ASNS: variants seen among roughly 807,000 people sequenced by gnomAD.
ASNS encodes asparagine synthetase [glutamine-hydrolyzing].
Under a neutral mutation model 62.6 loss-of-function variants are expected in ASNS, and 37 were observed. The ratio of observed to expected loss-of-function variants is 0.59; its 90% CI spans 0.45 to 0.78. ASNS has a LOEUF of 0.78. Ranked by LOEUF, ASNS falls within the 30% of genes least tolerant of loss-of-function variation. The probability of loss-of-function intolerance (pLI) is 0.00; values close to 1 mark genes in which losing one functional copy is unlikely to be tolerated. For synonymous variants in ASNS, 207 were observed against 237.9 expected, an observed-to-expected ratio of 0.87 and a Z score of 1.19; for missense variants, 520 against 682.4, an observed-to-expected ratio of 0.76 and a Z score of 2.65.
the ASNS span, among the ~76,000 whole-genome samples, chr7:97,925,507 G>A: frequency 1.3e-5 from 2 of 152,144 alleles, no homozygotes; most frequent in African/African-American, 4.8e-5. Flanking sequence ...GGAGACCAGA[G>A]ATGCTGCTAA....
At chr7:97,853,478 G>T in intron 10 of ASNS, 92 bp from the exon 11 acceptor site, 2 of 1,093,392 alleles carry the variant, frequency 1.8e-6, no homozygotes, top group African/African-American at 3.1e-5. Context: ...AATTCAACCA[G>T]ATCTTAAGAA....
the ASNS span, among the ~76,000 whole-genome samples, chr7:97,909,381 T>C: frequency 7.1e-6 from 1 of 141,248 alleles, no homozygotes; most frequent in African/African-American, 2.6e-5. Flanking sequence ...CAACCTCAGC[T>C]CACTGCAACC....
chr7:97,922,651 C>T, the ASNS span, among the ~76,000 whole-genome samples: 9 of 152,138 alleles, frequency 5.9e-5, no homozygotes, highest in East Asian at 3.9e-4. Context: ...CATTTTGTAA[C>T]GTATACATAC....
the ASNS span, among the ~76,000 whole-genome samples, chr7:97,900,511 G>C: frequency 6.6e-6 from 1 of 152,118 alleles, no homozygotes; most frequent in South Asian, 2.1e-4. Context: ...TCTACATAGA[G>C]TTGCCAAATG....
chr7:97,854,634 C>T lies in ASNS; in HGVS notation c.1184G>A (p.Arg395Lys), dbSNP rs1469727495. ...GAGAACATCAAACAAATAGAGTTCC[C>T]TCAGAAGCCTCTCACTCTCCTCCTC... ...KAEEESERLLRELYLFDVLRA... is the reference protein window; with the variant it reads ...KAEEESERLLKELYLFDVLRA... The change falls in exon 10 of 13, where the codon AGG becomes AAG. Residue 395 changes from arginine (R) to lysine (K), a missense_variant. Coordinates refer to ENST00000394308, the MANE Select transcript of ASNS (RefSeq NM_001673.5). 1 of 1,613,986 alleles carries T rather than the reference C, an allele frequency of 6.2e-7. No homozygotes were observed. Among genetic ancestry groups the T allele is most frequent in the Non-Finnish European group, 8.5e-7 (1 of 1,180,024 alleles).
intron 4 of ASNS, among the ~76,000 whole-genome samples, chr7:97,862,868 T>C (rs1791790806): frequency 6.6e-6 from 1 of 151,866 alleles, no homozygotes; most frequent in Non-Finnish European, 1.5e-5. Context: ...CCAAAGAAGA[T>C]ATACAAATGG....
the ASNS span, among the ~76,000 whole-genome samples, chr7:97,918,395 C>A: frequency 6.6e-6 from 1 of 152,142 alleles, no homozygotes; most frequent in Non-Finnish European, 1.5e-5. Flanking sequence ...TCCATCAGAA[C>A]ACCGTCTGTG....
At chr7:97,856,265 T>G (rs372351445) in intron 8 of ASNS, among the ~76,000 whole-genome samples, 2 of 152,240 alleles carry the variant, frequency 1.3e-5, no homozygotes, top group African/African-American at 4.8e-5. Flanking sequence ...AAATTAGTAT[T>G]GTTTGCAGAG....
the ASNS span, among the ~76,000 whole-genome samples, chr7:97,903,474 A>G: frequency 6.6e-6 from 1 of 152,182 alleles, no homozygotes; most frequent in Non-Finnish European, 1.5e-5. Flanking sequence ...CCGGAGACCA[A>G]GACAGAACAC....
chr7:97,907,966 T>C, the ASNS span, among the ~76,000 whole-genome samples: 32 of 152,212 alleles, frequency 2.1e-4, no homozygotes, highest in Admixed American at 2.0e-3. Context: ...ATAATAAAAT[T>C]TAGTCAGCCA....
Position 97,853,071 on chromosome 7 carries a change from C to A in ASNS, c.1465G>T (p.Val489Phe), listed in dbSNP as rs772079299. 1.9e-6 allele frequency: 3 copies of A among 1,579,272 alleles called. No individual in the cohort carries two copies. Among genetic ancestry groups the A allele is most frequent in the African/African-American group, 1.4e-5 (1 of 73,038 alleles). Residue 489 changes from valine to phenylalanine, a missense_variant, in exon 12 of 13, where the codon GTT becomes TTT. Coordinates refer to ENST00000394308, the MANE Select transcript of ASNS (RefSeq NM_001673.5). The part of the protein sequence containing the change: ...NSWFKILQEY[V>F]EHQVDDAMMA... ...TAAAGACATTATACCTGATGTTCAA[C>A]GTATTCCTGTAAAATCTTAAACCAG...
intron 7 of ASNS, among the ~76,000 whole-genome samples, chr7:97,858,056 T>C (rs1791540245): frequency 1.3e-5 from 2 of 152,190 alleles, no homozygotes; most frequent in African/African-American, 4.8e-5. Context: ...ATAGGGTCTT[T>C]GTGAGAATTG....
chr7:97,872,630 G>C (rs1419481355), upstream of ASNS: 1 of 152,268 alleles, frequency 6.6e-6, no homozygotes, highest in Admixed American at 6.5e-5. Flanking sequence ...TAGCCTCAGA[G>C]CTCCGCCCAG....
chr7:97,889,685 G>T, the ASNS span, among the ~76,000 whole-genome samples: 17 of 151,618 alleles, frequency 1.1e-4, no homozygotes, highest in African/African-American at 3.6e-4. Flanking sequence ...TATAAGAAAA[G>T]GTCTTTCCCA....
the ASNS span, among the ~76,000 whole-genome samples, chr7:97,914,653 C>T: frequency 1.3e-5 from 2 of 152,194 alleles, no homozygotes; most frequent in Admixed American, 6.5e-5. Context: ...TCACCCTCTT[C>T]GTTCCACCTG....
chr7:97,861,347 G>A (rs1419623144), intron 4 of ASNS, among the ~76,000 whole-genome samples: 7 of 152,226 alleles, frequency 4.6e-5, no homozygotes, highest in East Asian at 1.9e-4. Flanking sequence ...TTTTGTATAC[G>A]ATGTTGGGTA....
At chr7:97,906,273 G>T in the ASNS span, among the ~76,000 whole-genome samples, 1 of 151,392 alleles carries the variant, frequency 6.6e-6, no homozygotes, top group African/African-American at 2.4e-5. Flanking sequence ...CACCACCGTC[G>T]CCCTGCCATT....
At chr7:97,924,832 G>T in the ASNS span, among the ~76,000 whole-genome samples, 11,493 of 152,060 alleles carry the variant, frequency 0.076, 796 homozygotes, top group African/African-American at 0.2. Context: ...TTTGTGCTTT[G>T]TCTGTGTTAC....
chr7:97,860,659 T>G (rs1485641758), intron 4 of ASNS, among the ~76,000 whole-genome samples: 1 of 152,138 alleles, frequency 6.6e-6, no homozygotes, highest in Non-Finnish European at 1.5e-5. Flanking sequence ...AGAAAGAATT[T>G]AAAGAATGGC....
Sources: gnomAD v4.1 joint callset for allele counts (sites outside exome capture counted in the v4.1 genomes callset) on GRCh38, gnomAD v4.1.1 for gene constraint, MANE v1.5 for transcripts, NCBI Gene and HGNC (gene_info 2026-07-23, HGNC 2026-07-21) for gene names.